The following ADD3 variants were observed in gnomAD, a reference collection of about 807,000 sequenced individuals.
ADD3 encodes the protein adducin 3.
A neutral mutation model predicts 80.2 loss-of-function variants in ADD3; 25 were observed. The ratio of observed to expected loss-of-function variants is 0.31; its 90% confidence interval spans 0.23 to 0.44. The LOEUF (loss-of-function observed/expected upper bound fraction) is 0.44, where lower values mean the gene tolerates loss of function less well. Ranked by LOEUF, ADD3 falls within the 20% of genes least tolerant of loss-of-function variation. The pLI, the probability that ADD3 is intolerant of heterozygous loss-of-function variation, is 1.00. For missense variants in ADD3, 829 were observed against 847.5 expected, an observed-to-expected ratio of 0.98 and a Z score of 0.27; for synonymous variants, 284 against 289.6, an observed-to-expected ratio of 0.98 and a Z score of 0.20.
chr10:110,121,683 T>G (rs1285971892), intron 8 of ADD3, among the ~76,000 whole-genome samples: 1 of 152,246 alleles, frequency 6.6e-6, no homozygotes, highest in East Asian at 1.9e-4. Flanking sequence ...AAAAGCTTAA[T>G]TAAATTAAGA....
At chr10:110,116,171 T>C (rs756541678) in intron 3 of ADD3, 88 bp from the exon 4 acceptor site, 14 of 1,308,716 alleles carry the variant, frequency 1.1e-5, no homozygotes, top group Non-Finnish European at 1.5e-5. Flanking sequence ...GCTGGGATAC[T>C]CCCAGACGCA....
intron 1 of ADD3, among the ~76,000 whole-genome samples, chr10:110,076,556 AGAGCACT>A (rs1292521442): frequency 6.6e-6 from 1 of 152,212 alleles, no homozygotes; most frequent in East Asian, 1.9e-4. Flanking sequence ...TAGGAGAACT[AGAGCACT>A]GGTGAGGAGA....
At chr10:110,051,504 A>G (rs1411280387) in intron 1 of ADD3, among the ~76,000 whole-genome samples, 2 of 152,222 alleles carry the variant, frequency 1.3e-5, no homozygotes, top group Non-Finnish European at 2.9e-5. Flanking sequence ...GGGAAAATCT[A>G]TATGCCTGTT....
chr10:110,112,691 A>G (rs1850200999), intron 2 of ADD3, 86 bp from the exon 3 acceptor site: 1 of 1,450,518 alleles, frequency 6.9e-7, no homozygotes. Context: ...CAGAAAAGGG[A>G]TGGGGTAAAG....
chr10:110,053,046 A>G (rs1031779504), intron 1 of ADD3, among the ~76,000 whole-genome samples: 4 of 152,228 alleles, frequency 2.6e-5, no homozygotes, highest in African/African-American at 9.6e-5. Flanking sequence ...CTATGCAAAC[A>G]CAATAGGAAA....
chr10:110,081,607 CTAAG>C (rs1303516826), intron 1 of ADD3, among the ~76,000 whole-genome samples: 5 of 152,304 alleles, frequency 3.3e-5, no homozygotes, highest in East Asian at 3.9e-4. Context: ...TAATTGAACT[CTAAG>C]TAATGCTGTG....
chr10:110,056,493 A>G (rs1163755761), intron 1 of ADD3, among the ~76,000 whole-genome samples: 1 of 152,216 alleles, frequency 6.6e-6, no homozygotes, highest in Admixed American at 6.5e-5. Context: ...CAGCCGAAGT[A>G]AGGGTTTTTT....
chr10:110,117,424 T>C lies in ADD3; in HGVS notation c.567+2T>C. The C allele has an allele frequency of 6.3e-7, 1 of 1,577,058 alleles. No homozygotes were observed. The highest frequency in any genetic ancestry group is 8.7e-7 in the Non-Finnish European group (1 of 1,146,870). On this transcript the variant is annotated splice_donor_variant, in intron 5 of 14. Transcript: ENST00000356080. LOFTEE classifies it high-confidence loss of function. Reference sequence around the variant, plus strand: ...TCTGAAGCTACAGCCTCCAATTTGGTATAATTTTCCATTCCTGTGTTGCTT... The same window carrying C: ...TCTGAAGCTACAGCCTCCAATTTGGCATAATTTTCCATTCCTGTGTTGCTT...
intron 1 of ADD3, among the ~76,000 whole-genome samples, chr10:110,032,062 A>G (rs963622323): frequency 4.6e-5 from 7 of 152,202 alleles, no homozygotes; most frequent in African/African-American, 1.7e-4. Context: ...CTTCAGGAAG[A>G]GATACAAGAA....
At chr10:110,118,543 G>T (rs1235557283) in intron 5 of ADD3, 44 bp from the exon 6 acceptor site, 5 of 1,546,968 alleles carry the variant, frequency 3.2e-6, no homozygotes, top group Non-Finnish European at 4.5e-6. Context: ...CACAAACTTT[G>T]ATACGTATAT....
chr10:110,062,432 A>G (rs1589935860), intron 1 of ADD3, among the ~76,000 whole-genome samples: 1 of 149,038 alleles, frequency 6.7e-6, no homozygotes, highest in Non-Finnish European at 1.5e-5. Flanking sequence ...AAAAAAAAAG[A>G]TAGCTGGCTC....
chr10:110,054,439 C>CTT (rs36097209), intron 1 of ADD3, among the ~76,000 whole-genome samples: 2 of 80,876 alleles, frequency 2.5e-5, no homozygotes, highest in Non-Finnish European at 5.4e-5. Flanking sequence ...CCAGTTTTCT[C>CTT]TTTTTTTTTT....
chr10:110,119,161 A>G, intron 6 of ADD3, 50 bp from the exon 7 acceptor site: 1 of 1,599,204 alleles, frequency 6.3e-7, no homozygotes, highest in Non-Finnish European at 8.5e-7. Flanking sequence ...TCCTATGAAA[A>G]TGTATTTAGT....
intron 1 of ADD3, among the ~76,000 whole-genome samples, chr10:110,036,659 A>G (rs1855700282): frequency 6.6e-6 from 1 of 151,084 alleles, no homozygotes; most frequent in African/African-American, 2.4e-5. Context: ...GGCGTGAGCC[A>G]CCACGCCCAG....
rs576069100 is a variant in ADD3, at chr10:110,071,683, A to T, written c.-29-28942A>T. On this transcript the variant is annotated intron_variant, in intron 1 of 14. Coordinates refer to ENST00000356080, the MANE Select transcript of ADD3 (RefSeq NM_016824.5). ...AATAAAATGCATAGTTTTCAGAAGT[A>T]CTATGCCATCAGTAGAGTCAAAGCC... is the stretch of plus-strand genomic sequence containing the variant. Among the ~76,000 whole-genome samples the T allele has an allele frequency of 2.5e-4, 38 of 152,306 alleles. No homozygotes were observed. The South Asian group carries it at 7.0e-3, about 28-fold the overall frequency.
At chr10:110,113,487 T>C (rs1850313615) in intron 3 of ADD3, among the ~76,000 whole-genome samples, 1 of 152,156 alleles carries the variant, frequency 6.6e-6, no homozygotes, top group African/African-American at 2.4e-5. Flanking sequence ...TAGGCTGGTC[T>C]TGAACTCCTG....
intron 1 of ADD3, among the ~76,000 whole-genome samples, chr10:110,041,131 T>G (rs1856308179): frequency 6.6e-6 from 1 of 152,174 alleles, no homozygotes; most frequent in Non-Finnish European, 1.5e-5. Flanking sequence ...CATTTGAAGA[T>G]TGAGATACTT....
chr10:110,081,764 C>T (rs1846085736), intron 1 of ADD3, among the ~76,000 whole-genome samples: 1 of 152,204 alleles, frequency 6.6e-6, no homozygotes, highest in Non-Finnish European at 1.5e-5. Flanking sequence ...AATGGTCACC[C>T]TCTGTTTTGA....
At position 109,998,738 on chromosome 10, in the gene ADD3, T is replaced by C. The variant is rs565440737; in HGVS notation, n.79+2292T>C. On this transcript the variant is annotated intron_variant and non_coding_transcript_variant, in intron 1 of 5. Coordinates refer to the ADD3 transcript ENST00000468251. ...GTTCCTGCCTCATGACCTTTGAACT[T>C]ACTTGTCTCTCCAGCTGCCGACTAC... Among the ~76,000 whole-genome samples the C allele has an allele frequency of 2.6e-5, 4 of 152,214 alleles. No individual in the cohort carries two copies. In the South Asian group the frequency reaches 8.3e-4, roughly 32 times the overall value.
Sources: allele counts gnomAD v4.1 joint callset (sites outside exome capture counted in the v4.1 genomes callset), GRCh38; gene constraint gnomAD v4.1.1; transcripts MANE v1.5; gene names NCBI Gene and HGNC (gene_info 2026-07-23, HGNC 2026-07-21).